The following PCDHGA8 variants were observed in gnomAD, a reference collection of about 807,000 sequenced individuals.
The protein encoded by PCDHGA8 is protocadherin gamma subfamily A, 8, also known as protocadherin gamma-A8.
PCDHGA8 carries 45 observed loss-of-function variants against 59.2 expected under a neutral mutation model. The observed-to-expected ratio is 0.76, with a 90% CI of 0.60 to 0.98. PCDHGA8 has a LOEUF of 0.98. Ranked by LOEUF, PCDHGA8 falls within the 50% of genes least tolerant of loss-of-function variation. The pLI is 0.00. For synonymous variants in PCDHGA8, 531 were observed against 519.0 expected (o/e 1.02, Z -0.32); for missense variants, 1,257 against 1,196.2 (o/e 1.05, Z -0.75).
At chr5:141,413,220 C>A in intron 1 of PCDHGA8, 1 of 1,613,330 alleles carries the variant, frequency 6.2e-7, no homozygotes, top group South Asian at 1.1e-5. Flanking sequence ...AGGATTGCAG[C>A]GGGCTGGTCC....
chr5:141,472,308 G>A (rs897967832), intron 1 of PCDHGA8, among the ~76,000 whole-genome samples: 6 of 152,074 alleles, frequency 3.9e-5, no homozygotes, highest in South Asian at 4.1e-4. Context: ...TTGGGAAGCC[G>A]AGGCAGGCAG....
At position 141,393,785 on chromosome 5, in the gene PCDHGA8, G is replaced by A. The variant is rs753963995; in HGVS notation, c.972G>A (p.Val324=). 6.2e-7 allele frequency: 1 copy of A among 1,613,922 alleles called. No individual in the cohort carries two copies. Among genetic ancestry groups the A allele is most frequent in the Non-Finnish European group, 8.5e-7 (1 of 1,179,894 alleles). The change falls in exon 1 of 4, where the codon GTG becomes GTA. Residue 324 remains valine, a synonymous_variant. Transcript: ENST00000398604. The part of the protein sequence containing the change: ...FYEMEIQAED[V]GALLGRTKLL... ...AAATGGAAATACAAGCCGAAGATGT[G>A]GGGGCACTTCTGGGGAGGACCAAAT... is the stretch of plus-strand genomic sequence containing the variant.
At chr5:141,466,348 G>A (rs2099120992) in intron 1 of PCDHGA8, among the ~76,000 whole-genome samples, 2 of 151,876 alleles carry the variant, frequency 1.3e-5, no homozygotes, top group Admixed American at 6.6e-5. Context: ...TTTTTTTGCA[G>A]CTAATCTAGA....
rs151293422 is a variant in PCDHGA8, at chr5:141,487,556, A to G, written c.2425-7251A>G. ...GATGGTGAAGTCACCCAGTGCACCT[A>G]TGGCAGGGGAGCCTGTTCGCCCAAG... On this transcript the variant is annotated intron_variant, in intron 1 of 3. Coordinates refer to ENST00000398604, the MANE Select transcript of PCDHGA8 (RefSeq NM_032088.2). This position sits in a 1 kb window ranked among gnomAD's most constrained non-coding sequence, Gnocchi z 5.0. 2,837 of 1,614,100 alleles carry G rather than the reference A, an allele frequency of 1.8e-3. 31 individuals are homozygous for G. The highest frequency in any genetic ancestry group is 1.2e-3 in the South Asian group (105 of 91,084).
intron 1 of PCDHGA8, among the ~76,000 whole-genome samples, chr5:141,488,635 C>T (rs1476156734): frequency 6.6e-6 from 1 of 152,152 alleles, no homozygotes; most frequent in Non-Finnish European, 1.5e-5. Flanking sequence ...ACCTTAGCAG[C>T]ATTCAGCAGG....
intron 1 of PCDHGA8, chr5:141,410,671 C>T: frequency 1.3e-6 from 2 of 1,563,260 alleles, no homozygotes; most frequent in Non-Finnish European, 1.7e-6. Context: ...ACTAGTTTCT[C>T]ATATTTTAGG....
chr5:141,408,533 G>A, intron 1 of PCDHGA8: 1 of 1,614,056 alleles, frequency 6.2e-7, no homozygotes, highest in Non-Finnish European at 8.5e-7. Flanking sequence ...AGCTGTGGTG[G>A]AAAATCCTTT....
rs745612756 is a variant in PCDHGA8 at position 141,487,150 on chromosome 5, T to C, written c.2425-7657T>C. The C allele has an allele frequency of 1.1e-5, 17 of 1,613,960 alleles. No individual in the cohort carries two copies. In the South Asian group the frequency reaches 1.6e-4, roughly 16 times the overall value. On this transcript the variant is annotated intron_variant, in intron 1 of 3. Transcript: ENST00000398604. This position sits in a 1 kb window ranked among gnomAD's most constrained non-coding sequence, Gnocchi z 5.0. The stretch of plus-strand genomic sequence containing the variant: ...GTAGTCCACCACTCTCTACCTCTGT[T>C]ACTCTCTTAGTGTCCTTAGAGGAAG...
At chr5:141,433,111 C>T (rs2097569323) in intron 1 of PCDHGA8, 1 of 1,613,966 alleles carries the variant, frequency 6.2e-7, no homozygotes, top group African/African-American at 1.3e-5. Context: ...GCCAGGAGAG[C>T]TTTGAAAAAA....
intron 1 of PCDHGA8, among the ~76,000 whole-genome samples, chr5:141,451,826 A>G (rs2098725686): frequency 6.6e-6 from 1 of 151,720 alleles, no homozygotes; most frequent in Non-Finnish European, 1.5e-5. Context: ...GGTTACAGTG[A>G]GCCGAGATCA....
rs780310968 is a variant in PCDHGA8 at position 141,414,168 on chromosome 5, T to G, written c.2424+18931T>G. The G allele has an allele frequency of 5.6e-6, 9 of 1,605,598 alleles. No individual in the cohort carries two copies. The African/African-American group carries it at 1.2e-4, about 21-fold the overall frequency. ...TACAAGCAGAAGATGGAGGAGCATA[T>G]CTTGCAACTGCAAAAGTGTTGATTA... On this transcript the variant is annotated intron_variant, in intron 1 of 3. Coordinates refer to ENST00000398604, the MANE Select transcript of PCDHGA8 (RefSeq NM_032088.2).
chr5:141,450,253 A>G (rs1025385837), intron 1 of PCDHGA8, among the ~76,000 whole-genome samples: 1 of 152,020 alleles, frequency 6.6e-6, no homozygotes, highest in African/African-American at 2.4e-5. Flanking sequence ...CCTGACCTCA[A>G]GTGATCTGCC....
At chr5:141,433,767 G>A (rs1237334342) in intron 1 of PCDHGA8, among the ~76,000 whole-genome samples, 1 of 151,532 alleles carries the variant, frequency 6.6e-6, no homozygotes, top group East Asian at 1.9e-4. Flanking sequence ...AACCTGGGAG[G>A]TGGAGGTTGC....
chr5:141,475,572 C>T (rs2099365596), intron 1 of PCDHGA8, among the ~76,000 whole-genome samples: 1 of 152,214 alleles, frequency 6.6e-6, no homozygotes, highest in South Asian at 2.1e-4. Context: ...TTCCAACAAG[C>T]CAGATTTGTT....
At chr5:141,423,256 G>C (rs751894091) in intron 1 of PCDHGA8, 1 of 1,613,934 alleles carries the variant, frequency 6.2e-7, no homozygotes. Flanking sequence ...GGCGGACCTC[G>C]GCAGCCTCGA....
At chr5:141,483,186 A>G (rs2099578047) in intron 1 of PCDHGA8, among the ~76,000 whole-genome samples, 1 of 152,174 alleles carries the variant, frequency 6.6e-6, no homozygotes, top group Non-Finnish European at 1.5e-5. Flanking sequence ...CAAGCCAAGG[A>G]GTTTTTATTT....
At chr5:141,417,621 A>G in intron 1 of PCDHGA8, 1 of 662,852 alleles carries the variant, frequency 1.5e-6, no homozygotes, top group Non-Finnish European at 2.4e-6. Context: ...GTGCAGAGCA[A>G]GCGCTGACGC....
rs561824381 is a variant in PCDHGA8 at position 141,449,084 on chromosome 5, C to T, written c.2425-45723C>T. Among the ~76,000 whole-genome samples, 8 of 152,250 alleles carry T rather than the reference C, an allele frequency of 5.3e-5. No individual in the cohort carries two copies. In the East Asian group the frequency reaches 1.4e-3, roughly 26 times the overall value. The stretch of plus-strand genomic sequence containing the variant: ...CTATTGAATAGCCCTGTACCTACAT[C>T]AGTTTTTACATATGCAGTATATCTT... On this transcript the variant is annotated intron_variant, in intron 1 of 3. Transcript: ENST00000398604.
chr5:141,425,394 G>T (rs186813737), intron 1 of PCDHGA8, among the ~76,000 whole-genome samples: 10 of 152,302 alleles, frequency 6.6e-5, no homozygotes, highest in African/African-American at 2.4e-4. Context: ...TAGTGATAAA[G>T]TTCTGTTAAG....
Sources: allele counts gnomAD v4.1 joint callset (sites outside exome capture counted in the v4.1 genomes callset), GRCh38; gene constraint gnomAD v4.1.1; non-coding constraint Gnocchi (gnomAD v3.1); transcripts MANE v1.5; gene names NCBI Gene and HGNC (gene_info 2026-07-23, HGNC 2026-07-21).